MAP3K8: variants seen among roughly 807,000 people sequenced by gnomAD.
MAP3K8 encodes the protein mitogen-activated protein kinase kinase kinase 8, also known as Ewing sarcoma transformant.
A neutral mutation model predicts 45.8 loss-of-function variants in MAP3K8; 22 were observed. That is an observed-to-expected ratio of 0.48 (90% CI 0.34 to 0.69). The LOEUF (loss-of-function observed/expected upper bound fraction) is 0.69. Ranked by LOEUF, MAP3K8 falls within the 30% of genes least tolerant of loss-of-function variation. MAP3K8 has a pLI of 0.01. For missense variants in MAP3K8, 419 were observed against 585.0 expected (o/e 0.72, Z 2.93); for synonymous variants, 223 against 214.3 (o/e 1.04, Z -0.36).
intron 3 of MAP3K8, among the ~76,000 whole-genome samples, chr10:30,445,017 C>G (rs1399366566): frequency 6.6e-6 from 1 of 152,208 alleles, no homozygotes; most frequent in Non-Finnish European, 1.5e-5. Flanking sequence ...TATTGAAGTA[C>G]TGAGCACATT....
chr10:30,445,982 AT>A (rs1336326599), intron 3 of MAP3K8, among the ~76,000 whole-genome samples: 1 of 152,192 alleles, frequency 6.6e-6, no homozygotes, highest in Non-Finnish European at 1.5e-5. Flanking sequence ...CTGCAGATGA[AT>A]CAAGAGTTCA....
intron 1 of MAP3K8, 143 bp downstream of exon 1, chr10:30,434,521 CT>C (rs1472728463): frequency 1.0e-6 from 1 of 985,676 alleles, no homozygotes; most frequent in Non-Finnish European, 1.2e-6. Context: ...GTGCCCACAG[CT>C]GCGCTCGCGG....
intron 1 of MAP3K8, among the ~76,000 whole-genome samples, 197 bp from the exon 2 acceptor site, chr10:30,436,979 T>C (rs1046726460): frequency 6.6e-6 from 1 of 151,866 alleles, no homozygotes; most frequent in Non-Finnish European, 1.5e-5. Flanking sequence ...AGTCAAATGT[T>C]CCTCCATTAA....
intron 8 of MAP3K8, 84 bp from the exon 9 acceptor site, chr10:30,460,622 A>G (rs1836903091): frequency 8.6e-7 from 1 of 1,164,712 alleles, no homozygotes; most frequent in Admixed American, 2.5e-5. Flanking sequence ...TAGGCCCCAA[A>G]GATTTATTTC....
chr10:30,459,499 C>G lies in MAP3K8; in HGVS notation c.1271C>G (p.Ala424Gly). The G allele has an allele frequency of 6.2e-7, 1 of 1,613,532 alleles. No individual in the cohort carries two copies. The change falls in exon 8 of 9, where the codon GCT (alanine) becomes GGT (glycine). Residue 424 changes from alanine to glycine, a missense_variant and splice_region_variant. Physicochemically the swap from Ala to Gly is moderately conservative, Grantham distance 60. This residue lies in a region of MAP3K8 where 108 missense variants were observed against 124.2 expected (regional missense o/e 0.87). Coordinates refer to ENST00000263056, the MANE Select transcript of MAP3K8 (RefSeq NM_005204.4). The part of the protein sequence containing the change: ...RKELELPENI[A>G]DSSCTGSTEE... ...GAGCTGGAACTTCCTGAGAACATTG[C>G]TGGTAGGGACACCCTGCTGTGTGCC...
chr10:30,447,633 G>A, intron 3 of MAP3K8, 149 bp from the exon 4 acceptor site: 1 of 687,478 alleles, frequency 1.5e-6, no homozygotes, highest in African/African-American at 1.8e-5. Context: ...TATAGTCTCT[G>A]TACAGTTGGT....
chr10:30,450,644 C>G, intron 5 of MAP3K8, 125 bp downstream of exon 5: 1 of 746,228 alleles, frequency 1.3e-6, no homozygotes, highest in Non-Finnish European at 2.3e-6. Flanking sequence ...GAGCACCGTC[C>G]GTCTTCCTTC....
chr10:30,449,402 G>T (rs761459008), intron 4 of MAP3K8, among the ~76,000 whole-genome samples: 1 of 151,966 alleles, frequency 6.6e-6, no homozygotes, highest in Admixed American at 6.6e-5. Flanking sequence ...TCACCCCCAC[G>T]CCTGGCCTGA....
chr10:30,438,871 C>A, intron 2 of MAP3K8, 45 bp from the exon 3 acceptor site: 1 of 1,076,570 alleles, frequency 9.3e-7, no homozygotes, highest in Non-Finnish European at 1.3e-6. Context: ...GTCTTGAATG[C>A]AAATACAAAT....
chr10:30,455,686 C>CATAT (rs1836708123), intron 6 of MAP3K8, among the ~76,000 whole-genome samples: 1 of 152,170 alleles, frequency 6.6e-6, no homozygotes, highest in Non-Finnish European at 1.5e-5. Context: ...TGCACATATA[C>CATAT]GCACACACAC....
chr10:30,441,528 AT>A (rs1836108811), intron 3 of MAP3K8, among the ~76,000 whole-genome samples: 1 of 152,212 alleles, frequency 6.6e-6, no homozygotes, highest in Non-Finnish European at 1.5e-5. Context: ...AAAGATTTTT[AT>A]TTTAAAATGA....
rs1277625458 is a variant in MAP3K8, at chr10:30,439,390, A to C, written c.336+116A>C. The stretch of plus-strand genomic sequence containing the variant: ...GATGGGCTGGCAGGCATGATTTTAA[A>C]AAATGTAATCATCAGTAAGAAGTAC... On this transcript the variant is annotated intron_variant, in intron 3 of 8. Transcript: ENST00000263056. 10 of 1,468,532 alleles carry C rather than the reference A, an allele frequency of 6.8e-6. No individual in the cohort carries two copies. In the East Asian group the frequency reaches 1.9e-4, roughly 29 times the overall value. 91.0% of individuals were successfully genotyped at this position (1,468,532 alleles called of 1,614,324 possible).
rs527459022 is a variant in MAP3K8 at position 30,458,268 on chromosome 10, C to CAG, written c.1026+32_1026+33insAG. The CAG allele has an allele frequency of 1.9e-4, 86 of 443,728 alleles. 3 individuals carry two copies. Among genetic ancestry groups the CAG allele is most frequent in the Non-Finnish European group, 2.5e-4 (69 of 270,688 alleles). The allele number at this position is 443,728 out of a possible 1,614,324, so 27.5% of individuals were successfully genotyped here. On this transcript the variant is annotated intron_variant, in intron 7 of 8. Transcript: ENST00000263056. Reference sequence around the variant, plus strand: ...GGGGTTCAACCAGGGCTGGGGGCGGCGGGGGGGGGCGTTGAGTTATGCATC... The same window carrying CAG: ...GGGGTTCAACCAGGGCTGGGGGCGGCAGGGGGGGGGGCGTTGAGTTATGCATC...
At chr10:30,450,656 C>A in intron 5 of MAP3K8, 137 bp downstream of exon 5, 1 of 691,756 alleles carries the variant, frequency 1.4e-6, no homozygotes, top group Non-Finnish European at 2.5e-6. Context: ...TCTTCCTTCT[C>A]CAGAGACATA....
intron 3 of MAP3K8, among the ~76,000 whole-genome samples, chr10:30,443,621 C>T (rs1430345314): frequency 1.3e-5 from 2 of 152,200 alleles, no homozygotes; most frequent in Non-Finnish European, 2.9e-5. Flanking sequence ...ACAGAGCTAG[C>T]TTGGCCTTTG....
At chr10:30,444,324 G>A (rs1201788600) in intron 3 of MAP3K8, among the ~76,000 whole-genome samples, 16 of 152,064 alleles carry the variant, frequency 1.1e-4, no homozygotes, top group African/African-American at 3.9e-4. Context: ...TTAGCTGGGC[G>A]TGGTGGCACA....
chr10:30,454,749 ACT>A (rs1491533004), intron 6 of MAP3K8, among the ~76,000 whole-genome samples: 138 of 141,928 alleles, frequency 9.7e-4, no homozygotes, highest in African/African-American at 3.7e-3. Context: ...GGGAAGCTGT[ACT>A]TTTTTTTTTT....
chr10:30,434,822 A>C (rs1835861650), intron 1 of MAP3K8: 1 of 972,642 alleles, frequency 1.0e-6, no homozygotes, highest in Non-Finnish European at 1.2e-6. Context: ...TAAGCCTTTT[A>C]GGCTCCCTTG....
Position 30,447,803 on chromosome 10 carries a change from C to T in MAP3K8, c.358C>T (p.Arg120Cys), listed in dbSNP as rs1196207926. ...GTAGGTCATCACTCCCCAAAATGGA[C>T]GTTACCAAATAGATTCCGATGTTCT... ...LNMVITPQNG[R>C]YQIDSDVLLI... is the part of the protein sequence containing the mutation. The change falls in exon 4 of 9, where the codon CGT becomes TGT. Residue 120 changes from arginine to cysteine, a missense_variant. By Grantham distance (180) the Arg-to-Cys change is radical. Around this residue, in one of 3 missense-constraint regions of MAP3K8, gnomAD observed 209 missense variants for 367.3 expected, o/e 0.57. Coordinates refer to ENST00000263056, the MANE Select transcript of MAP3K8 (RefSeq NM_005204.4). 3 of 1,613,546 alleles carry T rather than the reference C, an allele frequency of 1.9e-6. No homozygotes were observed. Among genetic ancestry groups the T allele is most frequent in the East Asian group, 2.2e-5 (1 of 44,884 alleles).
Sources: allele counts gnomAD v4.1 joint callset (sites outside exome capture counted in the v4.1 genomes callset), GRCh38; gene constraint gnomAD v4.1.1; regional missense constraint gnomAD v4.1.1; transcripts MANE v1.5; gene names NCBI Gene and HGNC (gene_info 2026-07-23, HGNC 2026-07-21).